POLGARF: variants seen among roughly 807,000 people sequenced by gnomAD.
POLGARF encodes the protein POLG alternative reading frame.
At chr15:89,331,527 A>AATACT in the POLGARF span, among the ~76,000 whole-genome samples, 1 of 152,234 alleles carries the variant, frequency 6.6e-6, no homozygotes, top group Admixed American at 6.5e-5. Flanking sequence ...CCATGCCATT[A>AATACT]ATACTAGTTT....
chr15:89,333,591 T>G, the POLGARF span: 1 of 1,605,676 alleles, frequency 6.2e-7, no homozygotes, highest in Non-Finnish European at 8.5e-7. Context: ...CTGCTGAGGC[T>G]GCTGTTGCTG....
At chr15:89,331,957 GGAGA>G in the POLGARF span, among the ~76,000 whole-genome samples, 1 of 152,108 alleles carries the variant, frequency 6.6e-6, no homozygotes, top group Non-Finnish European at 1.5e-5. Context: ...AGAGAAAGAA[GGAGA>G]AAGAGAAAAG....
the POLGARF span, chr15:89,332,149 C>T: frequency 2.6e-5 from 4 of 152,312 alleles, no homozygotes; most frequent in Admixed American, 2.6e-4. Flanking sequence ...TAGTGTGATT[C>T]TCATTGTAAC....
At chr15:89,332,255 C>T in the POLGARF span, 10 of 152,200 alleles carry the variant, frequency 6.6e-5, no homozygotes, top group African/African-American at 2.4e-4. Flanking sequence ...TTTTCAACTG[C>T]ATATTTAACA....
the POLGARF span, among the ~76,000 whole-genome samples, chr15:89,330,788 C>T: frequency 2.0e-5 from 3 of 151,598 alleles, no homozygotes; most frequent in Admixed American, 6.6e-5. Context: ...AATCATCTCA[C>T]GGCTGAAAAG....
the POLGARF span, chr15:89,333,449 G>A: frequency 3.1e-6 from 5 of 1,610,400 alleles, no homozygotes; most frequent in Non-Finnish European, 4.2e-6. Context: ...GCTCGACGCT[G>A]CGGCGCACCG....
chr15:89,333,486 TGCCCGAAGATTTGCTCGTGCA>T, the POLGARF span: 1 of 1,612,626 alleles, frequency 6.2e-7, no homozygotes, highest in Non-Finnish European at 8.5e-7. Context: ...CTCCCCTCCT[TGCCCGAAGATTTGCTCGTGCA>T]GCCCTCTCGA....
the POLGARF span, among the ~76,000 whole-genome samples, chr15:89,332,745 T>C: frequency 6.6e-6 from 1 of 152,138 alleles, no homozygotes. Context: ...AGAAACACTG[T>C]TCAAATGACT....
the POLGARF span, chr15:89,333,034 GAAAC>G: frequency 6.7e-7 from 1 of 1,491,678 alleles, no homozygotes; most frequent in East Asian, 2.3e-5. Context: ...AATGTTCACT[GAAAC>G]AAACTATTAA....
At chr15:89,330,217 G>C in the POLGARF span, 1 of 1,613,356 alleles carries the variant, frequency 6.2e-7, no homozygotes, top group East Asian at 2.2e-5. Context: ...GTCAGCCGGC[G>C]ACAGCTGGCT....
At chr15:89,331,082 G>C in the POLGARF span, among the ~76,000 whole-genome samples, 22 of 152,324 alleles carry the variant, frequency 1.4e-4, no homozygotes, top group African/African-American at 5.3e-4. Flanking sequence ...GCATCAAAGT[G>C]AGTGACGAGG....
At chr15:89,331,971 G>C in the POLGARF span, among the ~76,000 whole-genome samples, 1 of 152,180 alleles carries the variant, frequency 6.6e-6, no homozygotes, top group African/African-American at 2.4e-5. Flanking sequence ...AAAGAGAAAA[G>C]AAAAGGGGAC....
At chr15:89,333,638 C>CCGA in the POLGARF span, 2 of 1,591,446 alleles carry the variant, frequency 1.3e-6, no homozygotes, top group South Asian at 2.2e-5. Flanking sequence ...GCCGCCGCCG[C>CCGA]TGCCCGTCGC....
chr15:89,333,528 A>T, the POLGARF span: 1 of 1,612,842 alleles, frequency 6.2e-7, no homozygotes. Context: ...GAGCATCTGG[A>T]TGTCCAATGG....
chr15:89,333,426 T>G, the POLGARF span: 1 of 1,608,342 alleles, frequency 6.2e-7, no homozygotes, highest in East Asian at 2.2e-5. Context: ...CCAGAGCCCG[T>G]GCTTCTGCAG....
At chr15:89,331,236 C>G in the POLGARF span, among the ~76,000 whole-genome samples, 42 of 152,130 alleles carry the variant, frequency 2.8e-4, no homozygotes, top group African/African-American at 9.9e-4. Flanking sequence ...AGTTTTAAAC[C>G]TGACAAAATC....
chr15:89,330,385 G>C, the POLGARF span: 1 of 878,076 alleles, frequency 1.1e-6, no homozygotes, highest in Non-Finnish European at 1.8e-6. Flanking sequence ...TTGGCAGCTG[G>C]GGACACAAGT....
At chr15:89,331,597 G>A in the POLGARF span, among the ~76,000 whole-genome samples, 6 of 152,322 alleles carry the variant, frequency 3.9e-5, no homozygotes, top group East Asian at 1.9e-4. Context: ...CCTGATGGCC[G>A]AAGCCCTTAC....
At chr15:89,332,979 C>A in the POLGARF span, 1 of 1,353,592 alleles carries the variant, frequency 7.4e-7, no homozygotes. Context: ...TTCAACACAT[C>A]AGCGCTCCCT....
Sources: gnomAD v4.1 joint callset for allele counts (sites outside exome capture counted in the v4.1 genomes callset) on GRCh38, gnomAD v4.1.1 for gene constraint, MANE v1.5 for transcripts, NCBI Gene and HGNC (gene_info 2026-07-23, HGNC 2026-07-21) for gene names.